The following CCDC146 variants were observed in gnomAD, a reference collection of about 807,000 sequenced individuals.
CCDC146 encodes the protein coiled-coil domain-containing protein 146.
Under a neutral mutation model 119.3 loss-of-function variants are expected in CCDC146, and 92 were observed. The ratio of observed to expected loss-of-function variants is 0.77; its 90% confidence interval spans 0.65 to 0.92. CCDC146 has a LOEUF of 0.92. Among genes scored for constraint, CCDC146 ranks in the 40% least tolerant of loss-of-function variants. The pLI, the probability that CCDC146 is intolerant of heterozygous loss-of-function variation, is 0.00. For synonymous variants in CCDC146, 372 were observed against 371.8 expected (o/e 1.00, Z -0.01); for missense variants, 1,000 against 1,103.0 (o/e 0.91, Z 1.32).
At chr7:77,252,097 C>T (rs932500805) in intron 4 of CCDC146, among the ~76,000 whole-genome samples, 7 of 152,054 alleles carry the variant, frequency 4.6e-5, no homozygotes, top group Admixed American at 2.6e-4. Flanking sequence ...TGCAGTGAGC[C>T]GAGATCATGC....
intron 1 of CCDC146, among the ~76,000 whole-genome samples, chr7:77,133,688 C>T (rs3114330): frequency 0.18 from 25,915 of 142,742 alleles, 2,585 homozygotes; most frequent in Non-Finnish European, 0.2. Context: ...TATTCAGCAT[C>T]GTACTGGAGG....
intron 11 of CCDC146, among the ~76,000 whole-genome samples, chr7:77,278,435 ATTTTT>A (rs140968354): frequency 9.7e-6 from 1 of 103,352 alleles, no homozygotes; most frequent in African/African-American, 4.3e-5. Context: ...CCAAGAAATA[ATTTTT>A]TTTTTTTTTT....
intron 1 of CCDC146, among the ~76,000 whole-genome samples, chr7:77,132,401 C>A (rs910035060): frequency 6.6e-6 from 1 of 151,740 alleles, no homozygotes; most frequent in Non-Finnish European, 1.5e-5. Context: ...CTCTCGAATG[C>A]AAGATTAATT....
intron 1 of CCDC146, among the ~76,000 whole-genome samples, chr7:77,160,213 G>T (rs1377535756): frequency 6.6e-6 from 1 of 152,146 alleles, no homozygotes. Flanking sequence ...GATGCCTCCA[G>T]CTTTGTTCTT....
intron 1 of CCDC146, among the ~76,000 whole-genome samples, chr7:77,162,403 A>G (rs1170522931): frequency 2.0e-5 from 3 of 152,204 alleles, no homozygotes; most frequent in Non-Finnish European, 2.9e-5. Flanking sequence ...TGAAGAATCT[A>G]TGTTGTGCAT....
At chr7:77,199,424 C>G (rs750476106) in intron 2 of CCDC146, 2 of 1,614,176 alleles carry the variant, frequency 1.2e-6, no homozygotes, top group South Asian at 2.2e-5. Context: ...TCACCAACCT[C>G]TCCCGGGGCT....
intron 5 of CCDC146, among the ~76,000 whole-genome samples, chr7:77,255,125 T>A (rs1793153330): frequency 1.3e-5 from 2 of 152,196 alleles, no homozygotes; most frequent in South Asian, 2.1e-4. Context: ...CACTAGTTGG[T>A]CACATGATGG....
At chr7:77,184,314 C>T (rs1430097723) in intron 2 of CCDC146, among the ~76,000 whole-genome samples, 1 of 152,196 alleles carries the variant, frequency 6.6e-6, no homozygotes, top group Non-Finnish European at 1.5e-5. Context: ...TCTGGAAACA[C>T]AGTAGGGTCT....
chr7:77,133,919 A>C (rs3095446), intron 1 of CCDC146, among the ~76,000 whole-genome samples: 30,894 of 151,874 alleles, frequency 0.2, 3,453 homozygotes, highest in African/African-American at 0.22. Flanking sequence ...ATTGGCAGGA[A>C]GGAGTAATTA....
chr7:77,281,769 A>G (rs1004982911), intron 14 of CCDC146, among the ~76,000 whole-genome samples: 31 of 152,154 alleles, frequency 2.0e-4, no homozygotes, highest in Admixed American at 1.8e-3. Flanking sequence ...GAAATAATGT[A>G]TATGCATAAT....
At chr7:77,138,290 CAAAA>C (rs59868618) in intron 1 of CCDC146, among the ~76,000 whole-genome samples, 1 of 121,898 alleles carries the variant, frequency 8.2e-6, no homozygotes. Context: ...GGGGCAGTTG[CAAAA>C]AAAAAAAAAA....
intron 1 of CCDC146, among the ~76,000 whole-genome samples, chr7:77,134,132 A>G (rs1790827216): frequency 6.6e-6 from 1 of 151,178 alleles, no homozygotes; most frequent in African/African-American, 2.4e-5. Flanking sequence ...GCAGAACTCT[A>G]CAAGAGGGAG....
intron 2 of CCDC146, among the ~76,000 whole-genome samples, chr7:77,224,139 G>A (rs748510057): frequency 6.6e-6 from 1 of 152,202 alleles, no homozygotes; most frequent in Non-Finnish European, 1.5e-5. Context: ...CACAAACTTA[G>A]TGGCTTAAAC....
intron 1 of CCDC146, among the ~76,000 whole-genome samples, chr7:77,130,692 A>G (rs1198733129): frequency 7.2e-6 from 1 of 139,860 alleles, no homozygotes; most frequent in Non-Finnish European, 1.5e-5. Flanking sequence ...TCCGCCTCCC[A>G]GGTTCACGCC....
intron 17 of CCDC146, among the ~76,000 whole-genome samples, chr7:77,290,440 T>TC (rs1050696006): frequency 2.6e-5 from 4 of 151,550 alleles, no homozygotes; most frequent in Non-Finnish European, 5.9e-5. Flanking sequence ...GGAAAATGAC[T>TC]CCCCCCAAAG....
chr7:77,171,543 C>T (rs1791421638), intron 2 of CCDC146, among the ~76,000 whole-genome samples: 1 of 152,228 alleles, frequency 6.6e-6, no homozygotes, highest in East Asian at 1.9e-4. Context: ...CTTATCTGCG[C>T]TCCCCATCAG....
intron 2 of CCDC146, among the ~76,000 whole-genome samples, chr7:77,177,535 A>G (rs1433185815): frequency 6.6e-6 from 1 of 152,112 alleles, no homozygotes; most frequent in Admixed American, 6.6e-5. Context: ...CGCGCATTTC[A>G]CTTGACATTG....
chr7:77,255,560 T>C (rs956195595), intron 5 of CCDC146: 11 of 152,186 alleles, frequency 7.2e-5, no homozygotes, highest in African/African-American at 2.7e-4. Flanking sequence ...GGAGAAACAT[T>C]TTGAATTTTC....
Position 77,148,213 on chromosome 7 carries a change from C to T in CCDC146, c.-11-19445C>T, listed in dbSNP as rs186393193. Reference sequence around the variant, plus strand: ...TGGGTGTGGGACCCTCTGAGCCATGCGTGGGATATAATCTCCTGGTGTGCC... The same window carrying T: ...TGGGTGTGGGACCCTCTGAGCCATGTGTGGGATATAATCTCCTGGTGTGCC... On this transcript the variant is annotated intron_variant, in intron 1 of 18. Coordinates refer to ENST00000285871, the MANE Select transcript of CCDC146 (RefSeq NM_020879.3). 5.8e-3 allele frequency among the ~76,000 whole-genome samples: 889 copies of T among 152,238 alleles called. 12 individuals carry two copies. Among genetic ancestry groups the T allele is most frequent in the African/African-American group, 0.019 (778 of 41,560 alleles).
Sources: allele counts gnomAD v4.1 joint callset (sites outside exome capture counted in the v4.1 genomes callset), GRCh38; gene constraint gnomAD v4.1.1; transcripts MANE v1.5; gene names NCBI Gene and HGNC (gene_info 2026-07-23, HGNC 2026-07-21).